The following RMST variants were observed in gnomAD, a reference collection of about 807,000 sequenced individuals.
RMST encodes the protein long intergenic non-protein coding RNA 54.
intron 10 of RMST, among the ~76,000 whole-genome samples, chr12:97,505,667 T>C (rs1356129788): frequency 6.6e-6 from 1 of 152,226 alleles, no homozygotes; most frequent in Non-Finnish European, 1.5e-5. Flanking sequence ...GGTACACAGG[T>C]GGCTTCTGTT....
At chr12:97,532,658 T>TG (rs1425288895) in intron 11 of RMST, 6 of 150,022 alleles carry the variant, frequency 4.0e-5, no homozygotes, top group East Asian at 2.0e-4. Flanking sequence ...TTTTTTTTTT[T>TG]TTTTTTTTTT....
intron 11 of RMST, among the ~76,000 whole-genome samples, chr12:97,543,331 T>G (rs889684816): frequency 3.3e-5 from 5 of 151,944 alleles, no homozygotes. Context: ...CTACCTCCTT[T>G]TAGTTTTTTC....
At chr12:97,506,249 C>G (rs1305714755) in intron 10 of RMST, among the ~76,000 whole-genome samples, 1 of 152,148 alleles carries the variant, frequency 6.6e-6, no homozygotes, top group East Asian at 1.9e-4. Flanking sequence ...TATAGAACAG[C>G]TCAAAACCCT....
Position 97,550,384 on chromosome 12 carries a change from C to A in RMST, n.1546-10153C>A, listed in dbSNP as rs140633544. ...TCCAGCTTGGCCAACAAGACTGAAA[C>A]TCTGTCTCAAATAAATAAATAAATA... is the stretch of plus-strand genomic sequence containing the variant. On this transcript the variant is annotated intron_variant and non_coding_transcript_variant, in intron 11 of 13. Coordinates refer to ENST00000640149, the Ensembl canonical transcript of RMST. Among the ~76,000 whole-genome samples the A allele has an allele frequency of 4.7e-3, 716 of 152,132 alleles. 5 individuals carry two copies. The highest frequency in any genetic ancestry group is 0.016 in the African/African-American group (670 of 41,494).
At chr12:97,542,978 C>T (rs947632567) in intron 11 of RMST, among the ~76,000 whole-genome samples, 13 of 152,040 alleles carry the variant, frequency 8.6e-5, no homozygotes, top group African/African-American at 2.9e-4. Context: ...AAACACACCT[C>T]GTATGTGTTT....
chr12:97,542,086 G>A (rs1484229716), intron 11 of RMST, among the ~76,000 whole-genome samples: 1 of 151,776 alleles, frequency 6.6e-6, no homozygotes, highest in Non-Finnish European at 1.5e-5. Context: ...TTTTGCACTG[G>A]GTAGTGGAAT....
At chr12:97,496,113 T>A (rs574692678) in intron 10 of RMST, 95 of 152,360 alleles carry the variant, frequency 6.2e-4, no homozygotes, top group African/African-American at 2.3e-3. Flanking sequence ...CTCGGTCTAA[T>A]TTCTCTTGTT....
intron 5 of RMST, among the ~76,000 whole-genome samples, chr12:97,471,600 G>A (rs1873923779): frequency 6.6e-6 from 1 of 151,254 alleles, no homozygotes; most frequent in Non-Finnish European, 1.5e-5. Flanking sequence ...GGATGAGCTG[G>A]GCTCCCCTTT....
intron 10 of RMST, among the ~76,000 whole-genome samples, chr12:97,512,390 G>A (rs570875438): frequency 2.6e-5 from 4 of 152,178 alleles, no homozygotes; most frequent in African/African-American, 9.7e-5. Flanking sequence ...GGTTAACACT[G>A]CTGGCTCCGG....
chr12:97,500,794 C>T (rs1878004313), intron 10 of RMST, among the ~76,000 whole-genome samples: 1 of 152,220 alleles, frequency 6.6e-6, no homozygotes, highest in Non-Finnish European at 1.5e-5. Flanking sequence ...CTCCACTGCA[C>T]TAACTTGCTG....
chr12:97,471,331 G>A (rs1435899464), intron 5 of RMST, among the ~76,000 whole-genome samples: 1 of 152,098 alleles, frequency 6.6e-6, no homozygotes, highest in Non-Finnish European at 1.5e-5. Flanking sequence ...GACTGTAACA[G>A]GTTGTGTGTA....
chr12:97,521,177 T>G (rs1880470194), intron 10 of RMST, among the ~76,000 whole-genome samples: 1 of 152,206 alleles, frequency 6.6e-6, no homozygotes, highest in Non-Finnish European at 1.5e-5. Context: ...CCTTTGATAT[T>G]CTAATCTGGT....
chr12:97,562,090 C>T (rs1156819571), intron 13 of RMST, among the ~76,000 whole-genome samples: 3 of 152,090 alleles, frequency 2.0e-5, no homozygotes, highest in Non-Finnish European at 4.4e-5. Context: ...TCCCACATAA[C>T]AGTCACAGGA....
chr12:97,503,459 G>GAA (rs532563234), intron 10 of RMST, among the ~76,000 whole-genome samples: 1 of 132,998 alleles, frequency 7.5e-6, no homozygotes, highest in East Asian at 2.1e-4. Flanking sequence ...TTAATTCCAG[G>GAA]AAAAAAAAAA....
At chr12:97,512,173 C>G (rs1020666684) in intron 10 of RMST, among the ~76,000 whole-genome samples, 1 of 151,946 alleles carries the variant, frequency 6.6e-6, no homozygotes, top group African/African-American at 2.4e-5. Context: ...TGCAGACTTT[C>G]GCAGCGAGTG....
At chr12:97,511,150 CT>C (rs200176181) in intron 10 of RMST, among the ~76,000 whole-genome samples, 5,006 of 139,772 alleles carry the variant, frequency 0.036, 240 homozygotes, top group African/African-American at 0.11. Flanking sequence ...GTACTTCCTT[CT>C]TTTTTTTTTT....
rs184910310 is a variant in RMST at position 97,558,703 on chromosome 12, G to A, written n.1546-1834G>A. 3.1e-3 allele frequency among the ~76,000 whole-genome samples: 466 copies of A among 152,180 alleles called. 1 individual carries two copies. Among genetic ancestry groups the A allele is most frequent in the African/African-American group, 0.011 (455 of 41,512 alleles). ...CTCAATGGAGATATTGATGCCCTGG[G>A]ATTCAATTTCACTCTTATAGTGATG... On this transcript the variant is annotated intron_variant and non_coding_transcript_variant, in intron 11 of 13. Coordinates refer to ENST00000640149, the Ensembl canonical transcript of RMST.
chr12:97,563,772 TGTG>T (rs1392562372), intron 13 of RMST: 2 of 478,044 alleles, frequency 4.2e-6, no homozygotes, highest in African/African-American at 4.0e-5. Context: ...TTGAAATGGT[TGTG>T]AAGTCATGTG....
At chr12:97,503,854 T>G (rs1456918758) in intron 10 of RMST, among the ~76,000 whole-genome samples, 2 of 152,234 alleles carry the variant, frequency 1.3e-5, no homozygotes, top group Non-Finnish European at 1.5e-5. Context: ...CATCTTAAGA[T>G]GCTCACAGTC....
Sources: allele counts gnomAD v4.1 joint callset (sites outside exome capture counted in the v4.1 genomes callset), GRCh38; gene constraint gnomAD v4.1.1; transcripts MANE v1.5; gene names NCBI Gene and HGNC (gene_info 2026-07-23, HGNC 2026-07-21).